Variants in NAV3 observed in about 807,000 individuals in gnomAD.
NAV3 encodes neuron navigator 3.
A neutral mutation model predicts 244.7 loss-of-function variants in NAV3; 87 were observed. The ratio of observed to expected loss-of-function variants is 0.36; its 90% CI spans 0.30 to 0.42. The LOEUF (loss-of-function observed/expected upper bound fraction) is 0.42. Ranked by LOEUF, NAV3 falls within the 20% of genes least tolerant of loss-of-function variation. The probability of loss-of-function intolerance (pLI) is 1.00; values close to 1 mark genes in which losing one functional copy is unlikely to be tolerated. For synonymous variants in NAV3, 1,126 were observed against 1,042.2 expected, an observed-to-expected ratio of 1.08 and a Z score of -1.55; for missense variants, 2,663 against 2,893.3, an observed-to-expected ratio of 0.92 and a Z score of 1.83.
intron 12 of NAV3, among the ~76,000 whole-genome samples, chr12:78,068,324 T>C (rs1593454891): frequency 1.3e-5 from 2 of 151,750 alleles, no homozygotes; most frequent in East Asian, 1.9e-4. Context: ...TAAAGGTTTT[T>C]ATCATGCCTG....
intron 5 of NAV3, among the ~76,000 whole-genome samples, chr12:77,970,342 G>C (rs898336212): frequency 6.6e-6 from 1 of 152,076 alleles, no homozygotes; most frequent in Admixed American, 6.6e-5. Context: ...TACATTTATG[G>C]ACCACCTCCC....
At chr12:77,964,360 A>G (rs924205843) in intron 3 of NAV3, among the ~76,000 whole-genome samples, 1 of 152,134 alleles carries the variant, frequency 6.6e-6, no homozygotes, top group Non-Finnish European at 1.5e-5. Context: ...TCTTTCTATA[A>G]AAGGCATATA....
At chr12:77,937,016 A>T (rs948855854) in intron 1 of NAV3, among the ~76,000 whole-genome samples, 3 of 152,112 alleles carry the variant, frequency 2.0e-5, no homozygotes, top group Non-Finnish European at 4.4e-5. Context: ...CACCATCTAG[A>T]TTATAATATC....
intron 2 of NAV3, among the ~76,000 whole-genome samples, chr12:77,793,644 G>C (rs1307375081): frequency 1.3e-5 from 2 of 152,082 alleles, no homozygotes; most frequent in Non-Finnish European, 2.9e-5. Context: ...CCCTGCAAAG[G>C]ATATGTACTC....
At chr12:77,687,018 G>C (rs1193126042) in intron 2 of NAV3, among the ~76,000 whole-genome samples, 1 of 151,834 alleles carries the variant, frequency 6.6e-6, no homozygotes, top group African/African-American at 2.4e-5. Flanking sequence ...TATCCCATTA[G>C]CTTCTGGGCA....
At chr12:77,885,980 C>G (rs1883236105) in intron 1 of NAV3, among the ~76,000 whole-genome samples, 1 of 151,990 alleles carries the variant, frequency 6.6e-6, no homozygotes, top group Admixed American at 6.6e-5. Context: ...TTATTTAAGC[C>G]AAACAACAAA....
At chr12:77,849,985 G>A (rs1475437890) in intron 1 of NAV3, among the ~76,000 whole-genome samples, 2 of 152,116 alleles carry the variant, frequency 1.3e-5, no homozygotes, top group African/African-American at 2.4e-5. Flanking sequence ...CAAAGCCATG[G>A]CATTTTAAAA....
At chr12:77,572,805 A>T (rs1398416814) in intron 2 of NAV3, among the ~76,000 whole-genome samples, 3 of 152,244 alleles carry the variant, frequency 2.0e-5, no homozygotes, top group Non-Finnish European at 4.4e-5. Flanking sequence ...GAACTGATGG[A>T]AAAAAGAACT....
chr12:78,020,606 T>C (rs1876990030), intron 8 of NAV3, among the ~76,000 whole-genome samples: 1 of 152,156 alleles, frequency 6.6e-6, no homozygotes, highest in Non-Finnish European at 1.5e-5. Context: ...TTCCATACTT[T>C]ATTAAAACCT....
intron 2 of NAV3, among the ~76,000 whole-genome samples, chr12:77,772,125 T>C (rs1336658893): frequency 6.6e-6 from 1 of 152,146 alleles, no homozygotes; most frequent in Non-Finnish European, 1.5e-5. Context: ...ACTCCATTTA[T>C]AGATGAGGGT....
In NAV3 at chr12:78,180,814, G is replaced by A. The variant is rs1057021062; in HGVS notation, c.5518-57G>A. 27 of 1,407,164 alleles carry A rather than the reference G, an allele frequency of 1.9e-5. No individual in the cohort carries two copies. The African/African-American group carries it at 3.9e-4, about 20-fold the overall frequency. The allele number at this position is 1,407,164 out of a possible 1,614,324, so 87.2% of individuals were successfully genotyped here. ...AATTAACTCTGATAAAAGACTTGGT[G>A]CTATTTTCTCAATCAAACCAACTCA... On this transcript the variant is annotated intron_variant, in intron 29 of 39. Coordinates refer to ENST00000397909, the MANE Select transcript of NAV3 (RefSeq NM_001024383.2).
chr12:77,883,657 G>A (rs1289873845), intron 1 of NAV3, among the ~76,000 whole-genome samples: 1 of 152,182 alleles, frequency 6.6e-6, no homozygotes, highest in Admixed American at 6.6e-5. Flanking sequence ...GAGAGAGAAA[G>A]AGTATGGGAG....
intron 1 of NAV3, among the ~76,000 whole-genome samples, chr12:77,840,127 G>GA (rs113324402): frequency 0.018 from 2,791 of 152,076 alleles, 80 homozygotes; most frequent in African/African-American, 0.063. Flanking sequence ...GTAAATATGG[G>GA]AAAAAAGAAC....
At chr12:78,026,092 T>G (rs944959880) in intron 9 of NAV3, among the ~76,000 whole-genome samples, 8 of 152,210 alleles carry the variant, frequency 5.3e-5, no homozygotes, top group Non-Finnish European at 1.2e-4. Flanking sequence ...CTTGATGATT[T>G]CTTATGATTT....
chr12:77,968,500 T>G lies in NAV3; in HGVS notation c.488-19T>G. ...TTAAATACATATGATTCTTTTTTTG[T>G]ATTTTTCATTTCATACAGAAATAAG... On this transcript the variant is annotated intron_variant, in intron 4 of 39. Coordinates refer to ENST00000397909, the MANE Select transcript of NAV3 (RefSeq NM_001024383.2). 3 of 1,587,108 alleles carry G rather than the reference T, an allele frequency of 1.9e-6. No homozygotes were observed. In the South Asian group the frequency reaches 3.4e-5, roughly 18 times the overall value.
intron 2 of NAV3, among the ~76,000 whole-genome samples, chr12:77,805,889 T>C (rs1011686724): frequency 1.3e-5 from 2 of 152,202 alleles, no homozygotes; most frequent in Non-Finnish European, 2.9e-5. Flanking sequence ...CCTGGTTTAG[T>C]CTTGGCAGGG....
At chr12:77,971,217 C>T (rs1024138242) in intron 5 of NAV3, among the ~76,000 whole-genome samples, 1 of 152,156 alleles carries the variant, frequency 6.6e-6, no homozygotes, top group East Asian at 1.9e-4. Flanking sequence ...GAAAAGTATT[C>T]TTTTCAACAG....
chr12:77,990,857 T>C (rs1871323570), intron 5 of NAV3, among the ~76,000 whole-genome samples: 2 of 152,152 alleles, frequency 1.3e-5, no homozygotes, highest in Non-Finnish European at 2.9e-5. Context: ...ATTTGTCCTA[T>C]TGAGTGCTCC....
intron 12 of NAV3, among the ~76,000 whole-genome samples, chr12:78,088,192 A>G (rs1953735286): frequency 6.6e-6 from 1 of 151,906 alleles, no homozygotes. Flanking sequence ...TAAGTATACA[A>G]TTAACATAAT....
Sources: allele counts gnomAD v4.1 joint callset (sites outside exome capture counted in the v4.1 genomes callset), GRCh38; gene constraint gnomAD v4.1.1; transcripts MANE v1.5; gene names NCBI Gene and HGNC (gene_info 2026-07-23, HGNC 2026-07-21).